TAF3: variants seen among roughly 807,000 people sequenced by gnomAD.
TAF3 encodes the protein transcription initiation factor TFIID subunit 3.
A neutral mutation model predicts 80.6 loss-of-function variants in TAF3; 7 were observed. The ratio of observed to expected loss-of-function variants is 0.09; its 90% confidence interval spans 0.05 to 0.16. The LOEUF is 0.16. Among genes scored for constraint, TAF3 ranks in the 10% least tolerant of loss-of-function variants. TAF3 has a pLI of 1.00. For missense variants in TAF3, 921 were observed against 1,140.2 expected (o/e 0.81, Z 2.77); for synonymous variants, 444 against 446.1 (o/e 1.00, Z 0.06).
intron 4 of TAF3, among the ~76,000 whole-genome samples, chr10:8,005,292 A>T (rs1430694730): frequency 2.0e-5 from 3 of 152,142 alleles, no homozygotes; most frequent in Non-Finnish European, 4.4e-5. Flanking sequence ...AGATTTGATT[A>T]TCTTTGATTA....
intron 2 of TAF3, among the ~76,000 whole-genome samples, chr10:7,924,959 T>C (rs771076513): frequency 1.3e-5 from 2 of 152,206 alleles, no homozygotes; most frequent in African/African-American, 2.4e-5. Context: ...TGATACCTTA[T>C]CTTACTACTG....
intron 2 of TAF3, among the ~76,000 whole-genome samples, chr10:7,899,334 GATGGTC>G (rs2131169856): frequency 6.6e-6 from 1 of 152,252 alleles, no homozygotes; most frequent in South Asian, 2.1e-4. Context: ...TTGAGGTTGT[GATGGTC>G]ATCTGGGTGG....
At chr10:7,932,164 AAGG>A (rs1837874602) in intron 2 of TAF3, among the ~76,000 whole-genome samples, 1 of 152,156 alleles carries the variant, frequency 6.6e-6, no homozygotes, top group Admixed American at 6.5e-5. Context: ...TAAAAAGTAA[AAGG>A]AGGTGAACAT....
At chr10:7,835,820 C>T (rs758631651) in intron 2 of TAF3, among the ~76,000 whole-genome samples, 1 of 152,136 alleles carries the variant, frequency 6.6e-6, no homozygotes, top group East Asian at 1.9e-4. Context: ...GGTCTCATGG[C>T]GCTTGGTGGC....
intron 2 of TAF3, among the ~76,000 whole-genome samples, chr10:7,885,277 CA>C (rs1343754183): frequency 1.3e-5 from 2 of 151,694 alleles, no homozygotes; most frequent in Non-Finnish European, 1.5e-5. Flanking sequence ...CACACACCCC[CA>C]CACACACACA....
chr10:7,870,021 G>A (rs1262755502), intron 2 of TAF3, among the ~76,000 whole-genome samples: 2 of 152,126 alleles, frequency 1.3e-5, no homozygotes, highest in African/African-American at 4.8e-5. Context: ...TTTCAGGTGA[G>A]CATCTTTAAA....
chr10:7,881,958 C>T (rs1464920328), intron 2 of TAF3, among the ~76,000 whole-genome samples: 1 of 152,166 alleles, frequency 6.6e-6, no homozygotes, highest in East Asian at 1.9e-4. Flanking sequence ...GTAAATTCAC[C>T]AGCGTGTCCT....
intron 4 of TAF3, 57 bp downstream of exon 4, chr10:7,977,380 CT>C: frequency 1.3e-6 from 2 of 1,542,490 alleles, no homozygotes; most frequent in Non-Finnish European, 1.8e-6. Context: ...CTTCTCTACT[CT>C]TTCCTAAGGG....
intron 2 of TAF3, among the ~76,000 whole-genome samples, chr10:7,929,383 G>T (rs1325098863): frequency 2.0e-5 from 3 of 152,006 alleles, no homozygotes; most frequent in Non-Finnish European, 4.4e-5. Flanking sequence ...CCTCTGGATG[G>T]TAGGATTATG....
intron 2 of TAF3, among the ~76,000 whole-genome samples, chr10:7,897,428 G>A (rs1443907532): frequency 6.6e-6 from 1 of 152,132 alleles, no homozygotes; most frequent in Non-Finnish European, 1.5e-5. Flanking sequence ...CCAATCCTAT[G>A]TATACTGTCA....
intron 3 of TAF3, 87 bp downstream of exon 3, chr10:7,965,829 C>A (rs1831566160): frequency 7.2e-7 from 1 of 1,394,804 alleles, no homozygotes; most frequent in Non-Finnish European, 9.3e-7. Context: ...TATCTGTATT[C>A]TGGGTGTAAA....
intron 2 of TAF3, among the ~76,000 whole-genome samples, chr10:7,946,556 T>C (rs1181750584): frequency 6.6e-6 from 1 of 152,228 alleles, no homozygotes; most frequent in Non-Finnish European, 1.5e-5. Context: ...AAACCTCGTC[T>C]GTATGAAAAT....
Position 8,009,225 on chromosome 10 carries a change from C to T in TAF3, c.2463C>T (p.Ala821=), listed in dbSNP as rs530127616. 3 of 1,460,746 alleles carry T rather than the reference C, an allele frequency of 2.1e-6. No homozygotes were observed. The highest frequency in any genetic ancestry group is 1.5e-5 in the African/African-American group (1 of 66,958). 90.5% of individuals were successfully genotyped at this position (1,460,746 alleles called of 1,614,324 possible). A position where few individuals can be genotyped will look rare whatever the true frequency, so the allele number is the denominator to read the frequency against. ...APVPLPLLAQ[A]AAGPALLPSP... ...TGCCGCTGCCGCTGCTCGCCCAGGC[C>T]GCCGCGGGCCCTGCCCTGCTGCCCT... Residue 821 remains alanine, a synonymous_variant, in exon 5 of 7, where the codon GCC becomes GCT. Coordinates refer to ENST00000344293, the MANE Select transcript of TAF3 (RefSeq NM_031923.4). This position sits in a 1 kb window ranked among gnomAD's most constrained non-coding sequence, Gnocchi z 4.1.
intron 2 of TAF3, among the ~76,000 whole-genome samples, chr10:7,941,025 T>TG (rs990369077): frequency 6.6e-6 from 1 of 151,840 alleles, no homozygotes; most frequent in African/African-American, 2.4e-5. Context: ...GGAAAGCTCA[T>TG]GACCTGTTGA....
intron 2 of TAF3, among the ~76,000 whole-genome samples, chr10:7,838,418 G>A (rs1323658401): frequency 2.0e-5 from 3 of 151,968 alleles, no homozygotes; most frequent in African/African-American, 4.8e-5. Context: ...GTCTCACTCT[G>A]TTGCCCAGGC....
intron 2 of TAF3, among the ~76,000 whole-genome samples, chr10:7,900,022 C>T (rs910926894): frequency 1.3e-5 from 2 of 152,170 alleles, no homozygotes; most frequent in African/African-American, 4.8e-5. Flanking sequence ...TATCCAACTC[C>T]CTTCTTATTT....
intron 3 of TAF3, among the ~76,000 whole-genome samples, chr10:7,971,119 C>T (rs906148727): frequency 2.6e-5 from 4 of 152,166 alleles, no homozygotes; most frequent in African/African-American, 7.2e-5. Flanking sequence ...TGAGCACGGA[C>T]GGGAAAGCTC....
chr10:7,927,159 T>C (rs745973632), intron 2 of TAF3, among the ~76,000 whole-genome samples: 1 of 152,212 alleles, frequency 6.6e-6, no homozygotes, highest in Non-Finnish European at 1.5e-5. Context: ...TAATGTTATA[T>C]ACTCATCTTT....
Position 7,848,581 on chromosome 10 carries a change from C to G in TAF3, c.409+24021C>G, listed in dbSNP as rs1488490199. The stretch of plus-strand genomic sequence containing the variant: ...GGTCCCTCGACAGCTGCTAGATATC[C>G]TGTTGCAAATTAAATATGAAGCAGG... On this transcript the variant is annotated intron_variant, in intron 2 of 6. Coordinates refer to ENST00000344293, the MANE Select transcript of TAF3 (RefSeq NM_031923.4). Among the ~76,000 whole-genome samples, 4 of 152,098 alleles carry G rather than the reference C, an allele frequency of 2.6e-5. No individual in the cohort carries two copies. The East Asian group carries it at 7.7e-4, about 29-fold the overall frequency.
Sources: allele counts gnomAD v4.1 joint callset (sites outside exome capture counted in the v4.1 genomes callset), GRCh38; gene constraint gnomAD v4.1.1; non-coding constraint Gnocchi (gnomAD v3.1); transcripts MANE v1.5; gene names NCBI Gene and HGNC (gene_info 2026-07-23, HGNC 2026-07-21).